Variants in TNKS observed in about 807,000 individuals in gnomAD.
TNKS encodes the protein tankyrase, also known as poly [ADP-ribose] polymerase tankyrase-1.
Under a neutral mutation model 135.8 loss-of-function variants are expected in TNKS, and 72 were observed. The ratio of observed to expected loss-of-function variants is 0.53; its 90% CI spans 0.44 to 0.64. The LOEUF (loss-of-function observed/expected upper bound fraction) is 0.64, where lower values mean the gene tolerates loss of function less well. TNKS is among the 30% of genes least tolerant of loss of function. The probability of loss-of-function intolerance (pLI) is 0.00; values close to 1 mark genes in which losing one functional copy is unlikely to be tolerated. For missense variants in TNKS, 1,769 were observed against 1,674.0 expected (o/e 1.06, Z -0.99); for synonymous variants, 849 against 649.3 (o/e 1.31, Z -4.68).
intron 3 of TNKS, among the ~76,000 whole-genome samples, chr8:9,642,982 A>T (rs1026028969): frequency 6.8e-6 from 1 of 146,400 alleles, no homozygotes; most frequent in Non-Finnish European, 1.5e-5. Flanking sequence ...TAATTTTTAT[A>T]TACTTTTTTA....
chr8:9,556,421 G>A lies in TNKS; in HGVS notation c.482G>A (p.Ser161Asn), dbSNP rs1175861344. Residue 161 changes from serine (S) to asparagine (N), a missense_variant, in exon 1 of 27, where the codon AGC becomes AAC. Physicochemically the swap from Ser to Asn is conservative, Grantham distance 46. Around this residue, in one of 5 missense-constraint regions of TNKS, gnomAD observed 450 missense variants for 304.9 expected, o/e 1.48. Transcript: ENST00000310430. ...AESPEAAGVS[S>N]TAPLGPGAAG... ...AGCCCCGAGGCGGCCGGAGTTAGCA[G>A]CACAGCACCACTGGGGCCTGGGGCA... 1 of 1,614,218 alleles carries A rather than the reference G, an allele frequency of 6.2e-7. No homozygotes were observed. Among genetic ancestry groups the A allele is most frequent in the Non-Finnish European group, 8.5e-7 (1 of 1,180,048 alleles).
At chr8:9,576,292 C>T (rs188619746) in intron 1 of TNKS, among the ~76,000 whole-genome samples, 12 of 152,148 alleles carry the variant, frequency 7.9e-5, no homozygotes, top group East Asian at 3.9e-4. Context: ...CTACCTAAGA[C>T]GGTAATTTAT....
At position 9,780,895 on chromosome 8, in the gene TNKS, T is replaced by C; in HGVS notation, c.*4159T>C. 1 of 152,244 alleles carries C rather than the reference T, an allele frequency of 6.6e-6. No homozygotes were observed. The highest frequency in any genetic ancestry group is 1.9e-4 in the East Asian group (1 of 5,194). The allele number at this position is 152,244 out of a possible 1,614,324, so 9.4% of individuals were successfully genotyped here. ...TTCCTCAGCTACCAGATTTCTGGTTTGGAGAAGTGCTGGAAAGATTTCAAA... is the reference window on the plus strand; with the variant it reads ...TTCCTCAGCTACCAGATTTCTGGTTCGGAGAAGTGCTGGAAAGATTTCAAA... On this transcript the variant is annotated 3_prime_UTR_variant, in exon 27 of 27. Transcript: ENST00000310430.
At chr8:9,689,717 A>G (rs1803172123) in intron 5 of TNKS, among the ~76,000 whole-genome samples, 1 of 152,190 alleles carries the variant, frequency 6.6e-6, no homozygotes, top group South Asian at 2.1e-4. Flanking sequence ...TTTATCACTT[A>G]AGGAACTTTG....
intron 2 of TNKS, among the ~76,000 whole-genome samples, chr8:9,600,719 A>C (rs577799873): frequency 8.1e-4 from 124 of 152,316 alleles, no homozygotes; most frequent in African/African-American, 2.8e-3. Context: ...GGGTGAAATT[A>C]ATTTGTTCCA....
intron 2 of TNKS, among the ~76,000 whole-genome samples, chr8:9,602,729 A>G (rs4840430): frequency 0.029 from 4,467 of 152,300 alleles, 207 homozygotes; most frequent in Admixed American, 0.091. Flanking sequence ...AACATTTTCT[A>G]TTAGCCACAT....
At chr8:9,568,386 A>T (rs1357028624) in intron 1 of TNKS, among the ~76,000 whole-genome samples, 2 of 152,210 alleles carry the variant, frequency 1.3e-5, no homozygotes, top group African/African-American at 4.8e-5. Flanking sequence ...GTGTTTCTCA[A>T]ACTTTTTGGT....
At chr8:9,636,518 T>G (rs987336123) in intron 3 of TNKS, among the ~76,000 whole-genome samples, 4 of 152,148 alleles carry the variant, frequency 2.6e-5, no homozygotes, top group African/African-American at 9.7e-5. Context: ...ATTAAATGTC[T>G]TTTTTTCTAT....
At chr8:9,749,298 C>T (rs1178048412) in intron 18 of TNKS, among the ~76,000 whole-genome samples, 6 of 152,140 alleles carry the variant, frequency 3.9e-5, no homozygotes, top group Non-Finnish European at 1.5e-5. Flanking sequence ...CTCCCCCCAC[C>T]AACAGGGGGC....
Position 9,714,717 on chromosome 8 carries a change from T to C in TNKS, c.1749+4497T>C, listed in dbSNP as rs530078919. The stretch of plus-strand genomic sequence containing the variant: ...CTTATGAAGGAGTAATTATATTACC[T>C]GGAAATGAATTGGGTGTTAGAGTGG... On this transcript the variant is annotated intron_variant, in intron 11 of 26. Coordinates refer to ENST00000310430, the MANE Select transcript of TNKS (RefSeq NM_003747.3). Among the ~76,000 whole-genome samples, 3 of 152,294 alleles carry C rather than the reference T, an allele frequency of 2.0e-5. No individual in the cohort carries two copies. In the South Asian group the frequency reaches 6.2e-4, roughly 32 times the overall value.
intron 2 of TNKS, among the ~76,000 whole-genome samples, chr8:9,600,466 A>G (rs1348160943): frequency 2.0e-5 from 3 of 151,954 alleles, no homozygotes; most frequent in Non-Finnish European, 4.4e-5. Flanking sequence ...GGTGCACACC[A>G]TCATGCTTAG....
chr8:9,747,264 C>A (rs537307319), intron 17 of TNKS, among the ~76,000 whole-genome samples: 5 of 141,532 alleles, frequency 3.5e-5, no homozygotes, highest in Admixed American at 1.4e-4. Context: ...CTCCTTCCCC[C>A]CCTCAAAAAA....
intron 1 of TNKS, among the ~76,000 whole-genome samples, chr8:9,563,684 C>T (rs185106776): frequency 1.3e-5 from 2 of 152,196 alleles, no homozygotes; most frequent in East Asian, 3.9e-4. Flanking sequence ...TTATTTCTAA[C>T]TCAGGCACAT....
intron 26 of TNKS, among the ~76,000 whole-genome samples, chr8:9,772,704 AAT>A (rs1199581797): frequency 6.6e-6 from 1 of 152,058 alleles, no homozygotes; most frequent in Non-Finnish European, 1.5e-5. Flanking sequence ...TACGTAAGGC[AAT>A]ATGTCTATGC....
In TNKS at chr8:9,723,095, T is replaced by C. The variant is rs565097599; in HGVS notation, c.1921+2550T>C. Among the ~76,000 whole-genome samples the C allele has an allele frequency of 2.6e-5, 4 of 151,620 alleles. No homozygotes were observed. The East Asian group carries it at 7.7e-4, about 29-fold the overall frequency. On this transcript the variant is annotated intron_variant, in intron 12 of 26. Transcript: ENST00000310430. ...AGAACTTTTTAGTTTAATTCTTTAT[T>C]GATCTGGAAAGCTAATACAAATAAA...
rs143579074 is a variant in TNKS, at chr8:9,638,370, T to C, written c.994+22693T>C. ...GTTAAAGTATACCTTGGGCCAAATG[T>C]TATGGTGAAATGTTGTGAATGCTAC... On this transcript the variant is annotated intron_variant, in intron 3 of 26. Transcript: ENST00000310430. 7.2e-5 allele frequency among the ~76,000 whole-genome samples: 11 copies of C among 152,360 alleles called. No individual in the cohort carries two copies. In the East Asian group the frequency reaches 1.9e-3, roughly 27 times the overall value.
chr8:9,602,951 C>T (rs1186691312), intron 2 of TNKS, among the ~76,000 whole-genome samples: 2 of 152,186 alleles, frequency 1.3e-5, no homozygotes, highest in East Asian at 3.8e-4. Context: ...ATTTGGGTTT[C>T]ATAAAATTTG....
chr8:9,556,489 C>A lies in TNKS; in HGVS notation c.550C>A (p.Arg184=). ...TGVPAVSGAL[R]ELLEACRNGD... is the part of the protein sequence containing the mutation. ...GGTCCCAGCAGTGAGCGGGGCCCTA[C>A]GGGAACTGCTGGAGGCCTGTCGCAA... The change falls in exon 1 of 27, where the codon CGG becomes AGG. Residue 184 remains arginine, a synonymous_variant. Coordinates refer to ENST00000310430, the MANE Select transcript of TNKS (RefSeq NM_003747.3). 6.2e-7 allele frequency: 1 copy of A among 1,614,128 alleles called. No individual in the cohort carries two copies. Among genetic ancestry groups the A allele is most frequent in the Non-Finnish European group, 8.5e-7 (1 of 1,180,038 alleles).
intron 11 of TNKS, among the ~76,000 whole-genome samples, chr8:9,714,441 G>T (rs376726972): frequency 2.2e-4 from 33 of 151,268 alleles, no homozygotes; most frequent in Admixed American, 1.4e-3. Context: ...TCCCACATTT[G>T]TCTTTTCAAA....
Sources: gnomAD v4.1 joint callset for allele counts (sites outside exome capture counted in the v4.1 genomes callset) on GRCh38, gnomAD v4.1.1 for gene constraint, gnomAD v4.1.1 regional missense constraint, MANE v1.5 for transcripts, NCBI Gene and HGNC (gene_info 2026-07-23, HGNC 2026-07-21) for gene names.